SLC35F3: variants seen among roughly 807,000 people sequenced by gnomAD.
SLC35F3 encodes putative thiamine transporter SLC35F3.
In SLC35F3, 25 loss-of-function variants were observed where a neutral mutation model predicts 49.9. The observed-to-expected ratio is 0.50, with a 90% confidence interval of 0.37 to 0.70. SLC35F3 has a LOEUF of 0.70. Among genes scored for constraint, SLC35F3 ranks in the 30% least tolerant of loss-of-function variants. SLC35F3 has a pLI of 0.00. For synonymous variants in SLC35F3, 275 were observed against 265.4 expected (o/e 1.04, Z -0.35); for missense variants, 525 against 639.8 (o/e 0.82, Z 1.94).
intron 2 of SLC35F3, among the ~76,000 whole-genome samples, chr1:233,974,574 G>A (rs1663048399): frequency 6.6e-6 from 1 of 152,104 alleles, no homozygotes; most frequent in African/African-American, 2.4e-5. Flanking sequence ...TTCTCATAGT[G>A]GCCCAGTTAG....
At chr1:234,048,697 C>G (rs2102856366) in intron 2 of SLC35F3, among the ~76,000 whole-genome samples, 1 of 149,352 alleles carries the variant, frequency 6.7e-6, no homozygotes, top group South Asian at 2.1e-4. Context: ...GGCATACATT[C>G]AGGGGTGGGA....
At chr1:234,302,017 C>G (rs1263854414) in intron 3 of SLC35F3, among the ~76,000 whole-genome samples, 6 of 152,022 alleles carry the variant, frequency 3.9e-5, no homozygotes, top group Non-Finnish European at 8.8e-5. Context: ...GAGAGGGGAA[C>G]AACACACACC....
chr1:234,029,020 C>T (rs1481791549), intron 2 of SLC35F3, among the ~76,000 whole-genome samples: 1 of 152,214 alleles, frequency 6.6e-6, no homozygotes, highest in Non-Finnish European at 1.5e-5. Flanking sequence ...AAGCATCTTA[C>T]TTTTTATGAT....
At chr1:234,094,662 C>G (rs549565558) in intron 2 of SLC35F3, among the ~76,000 whole-genome samples, 1 of 152,320 alleles carries the variant, frequency 6.6e-6, no homozygotes, top group African/African-American at 2.4e-5. Flanking sequence ...TTTCCAAACC[C>G]CTCTCTATCT....
In SLC35F3 at chr1:233,953,697, C is replaced by T. The variant is rs113693039; in HGVS notation, c.283+47939C>T. On this transcript the variant is annotated intron_variant, in intron 2 of 7. Transcript: ENST00000366618. The stretch of plus-strand genomic sequence containing the variant: ...AGAAGTGGTCACCTGCACAGATACA[C>T]GCACATCCATGAAGTGTCGCAGGGT... Among the ~76,000 whole-genome samples the T allele has an allele frequency of 1.3e-4, 19 of 150,732 alleles. 1 individual carries two copies. The highest frequency in any genetic ancestry group is 4.2e-4 in the African/African-American group (17 of 40,754).
At chr1:234,139,649 TG>T (rs1665861452) in intron 2 of SLC35F3, among the ~76,000 whole-genome samples, 1 of 152,082 alleles carries the variant, frequency 6.6e-6, no homozygotes. Context: ...TCACTAGTCT[TG>T]TAAAATAAGG....
chr1:234,261,958 C>T (rs1423339070), intron 3 of SLC35F3: 1 of 152,244 alleles, frequency 6.6e-6, no homozygotes, highest in Non-Finnish European at 1.5e-5. Context: ...AATCCTTCAC[C>T]TTTCTATCTC....
At chr1:234,301,957 C>G (rs189114182) in intron 3 of SLC35F3, among the ~76,000 whole-genome samples, 2 of 152,278 alleles carry the variant, frequency 1.3e-5, no homozygotes, top group Non-Finnish European at 2.9e-5. Flanking sequence ...CCAAACACCC[C>G]ACATTCTCAC....
intron 2 of SLC35F3, among the ~76,000 whole-genome samples, chr1:233,965,514 T>C (rs891373320): frequency 6.6e-6 from 1 of 152,244 alleles, no homozygotes; most frequent in Non-Finnish European, 1.5e-5. Flanking sequence ...CTCTCCTTGC[T>C]GGCTGGATGA....
chr1:234,125,264 G>A (rs1258885053), intron 2 of SLC35F3, among the ~76,000 whole-genome samples: 10 of 151,800 alleles, frequency 6.6e-5, no homozygotes, highest in Non-Finnish European at 1.3e-4. Context: ...CCCAGTTCAC[G>A]CTGATATAAC....
intron 2 of SLC35F3, among the ~76,000 whole-genome samples, chr1:234,199,558 G>C (rs1206291287): frequency 6.6e-6 from 1 of 152,212 alleles, no homozygotes; most frequent in Non-Finnish European, 1.5e-5. Flanking sequence ...AAACATAGGA[G>C]AAAGACTTTG....
chr1:233,933,022 T>G (rs1449847688), intron 2 of SLC35F3, among the ~76,000 whole-genome samples: 1 of 131,130 alleles, frequency 7.6e-6, no homozygotes. Context: ...ACCACAGTTT[T>G]GGGCTATTTA....
chr1:234,123,961 C>G (rs1317524074), intron 2 of SLC35F3, among the ~76,000 whole-genome samples: 1 of 152,194 alleles, frequency 6.6e-6, no homozygotes, highest in Non-Finnish European at 1.5e-5. Context: ...GCAACCAGCT[C>G]AGTCCCCATA....
chr1:234,182,221 C>T (rs1666567976), intron 2 of SLC35F3, among the ~76,000 whole-genome samples: 1 of 152,120 alleles, frequency 6.6e-6, no homozygotes. Flanking sequence ...TTCCAATTGT[C>T]CCTTCATTGG....
At chr1:234,117,299 A>G (rs1221848921) in intron 2 of SLC35F3, among the ~76,000 whole-genome samples, 1 of 152,108 alleles carries the variant, frequency 6.6e-6, no homozygotes, top group Non-Finnish European at 1.5e-5. Flanking sequence ...ACCCTAATAC[A>G]ATATACAAGA....
chr1:234,108,801 A>G (rs1665352637), intron 2 of SLC35F3, among the ~76,000 whole-genome samples: 1 of 121,466 alleles, frequency 8.2e-6, no homozygotes, highest in African/African-American at 3.2e-5. Context: ...ATATATATTT[A>G]TATATATATA....
chr1:233,985,121 G>A (rs1176631434), intron 2 of SLC35F3, among the ~76,000 whole-genome samples: 1 of 152,140 alleles, frequency 6.6e-6, no homozygotes, highest in Non-Finnish European at 1.5e-5. Flanking sequence ...CTGCTCAACG[G>A]CCCTTAAAGG....
chr1:234,238,491 C>T (rs1193941818), intron 3 of SLC35F3, among the ~76,000 whole-genome samples: 1 of 152,202 alleles, frequency 6.6e-6, no homozygotes, highest in Admixed American at 6.5e-5. Context: ...ACATCGTCCA[C>T]ATGCCCCAGA....
chr1:233,941,120 C>T (rs999974784), intron 2 of SLC35F3, among the ~76,000 whole-genome samples: 2 of 152,130 alleles, frequency 1.3e-5, no homozygotes, highest in Non-Finnish European at 2.9e-5. Context: ...TTCCACACAC[C>T]GTATATGGTT....
Sources: allele counts gnomAD v4.1 joint callset (sites outside exome capture counted in the v4.1 genomes callset), GRCh38; gene constraint gnomAD v4.1.1; transcripts MANE v1.5; gene names NCBI Gene and HGNC (gene_info 2026-07-23, HGNC 2026-07-21).